The following JUP variants were observed in gnomAD, a reference collection of about 807,000 sequenced individuals.
JUP encodes the protein junction plakoglobin.
JUP carries 28 observed loss-of-function variants against 71.1 expected under a neutral mutation model. That is an observed-to-expected ratio of 0.39 (90% CI 0.29 to 0.54). JUP has a LOEUF of 0.54. JUP is among the 20% of genes least tolerant of loss of function. The pLI is 0.62. For synonymous variants in JUP, 401 were observed against 438.9 expected (o/e 0.91, Z 1.08); for missense variants, 869 against 1,030.1 (o/e 0.84, Z 2.14).
intron 2 of JUP, among the ~76,000 whole-genome samples, chr17:41,770,795 C>T (rs1916530644): frequency 1.3e-5 from 2 of 152,248 alleles, no homozygotes; most frequent in Admixed American, 6.5e-5. Context: ...ACTCATCCCA[C>T]AGCCTTGGCC....
At chr17:41,773,515 ACGACAGG>A (rs1471648272) in intron 1 of JUP, among the ~76,000 whole-genome samples, 2 of 152,172 alleles carry the variant, frequency 1.3e-5, no homozygotes, top group African/African-American at 4.8e-5. Flanking sequence ...CAGACCCCAG[ACGACAGG>A]CTCGGGCCGC....
chr17:41,771,387 C>A (rs1916625152), intron 2 of JUP: 1 of 565,382 alleles, frequency 1.8e-6, no homozygotes, highest in African/African-American at 1.9e-5. Flanking sequence ...TTCCTTCAGA[C>A]TGGAGGCACC....
intron 1 of JUP, among the ~76,000 whole-genome samples, chr17:41,775,575 C>T (rs941604896): frequency 3.3e-5 from 5 of 152,192 alleles, no homozygotes; most frequent in Non-Finnish European, 1.5e-5. Context: ...AGGGTGGAAG[C>T]GAGAGAGACA....
rs373448862 is a variant in JUP, at chr17:41,773,890, A to G, written c.-8-2028T>C. On this transcript the variant is annotated intron_variant, in intron 1 of 13. Transcript: ENST00000393931. ...TGTACAAGTAAACACGGTAGCAATAACCCACTGAATGCCGCTCTGCTGGGC... is the reference window on the plus strand; with the variant it reads ...TGTACAAGTAAACACGGTAGCAATAGCCCACTGAATGCCGCTCTGCTGGGC... Among the ~76,000 whole-genome samples, 15 of 152,272 alleles carry G rather than the reference A, an allele frequency of 9.9e-5. 1 individual carries two copies. In the East Asian group the frequency reaches 1.5e-3, roughly 16 times the overall value.
intron 4 of JUP, among the ~76,000 whole-genome samples, chr17:41,768,296 G>C (rs1916031167): frequency 6.6e-6 from 1 of 152,198 alleles, no homozygotes; most frequent in Admixed American, 6.5e-5. Flanking sequence ...CTACTTGGGA[G>C]GCTGAGGCAG....
chr17:41,763,896 C>T (rs1438485582), intron 7 of JUP, among the ~76,000 whole-genome samples: 1 of 152,182 alleles, frequency 6.6e-6, no homozygotes, highest in Non-Finnish European at 1.5e-5. Flanking sequence ...AACAGAAAAA[C>T]CCCAGCTTTG....
In JUP at chr17:41,763,096, G is replaced by T. The variant is rs782643399; in HGVS notation, c.1384C>A (p.Leu462Ile). The T allele has an allele frequency of 6.2e-7, 1 of 1,614,144 alleles. No homozygotes were observed. Among genetic ancestry groups the T allele is most frequent in the Admixed American group, 1.7e-5 (1 of 60,020 alleles). ...TCGGCCTCAGGGTGGCGGCTAGTGA[G>T]GTGGCGCAGAGCGCAGACGGCAGGC... ...TEPAVCALRHLTSRHPEAEMA... is the reference protein window; with the variant it reads ...TEPAVCALRHITSRHPEAEMA... The change falls in exon 8 of 14, where the codon CTC becomes ATC. Residue 462 changes from leucine to isoleucine, a missense_variant. Leu to Ile is a conservative substitution (Grantham distance 5, BLOSUM62 2). Transcript: ENST00000393931.
chr17:41,771,886 AG>A, intron 1 of JUP, 24 bp from the exon 2 acceptor site: 2 of 1,571,374 alleles, frequency 1.3e-6, no homozygotes, highest in Non-Finnish European at 8.7e-7. Flanking sequence ...GGAGGAAGTC[AG>A]GAAGCAGGAA....
At chr17:41,774,088 T>C (rs1917080236) in intron 1 of JUP, among the ~76,000 whole-genome samples, 1 of 151,934 alleles carries the variant, frequency 6.6e-6, no homozygotes. Context: ...CTTGCCGGCC[T>C]CACATCTAAA....
intron 1 of JUP, among the ~76,000 whole-genome samples, chr17:41,773,516 C>T (rs1234385029): frequency 1.3e-5 from 2 of 152,198 alleles, no homozygotes; most frequent in African/African-American, 2.4e-5. Context: ...AGACCCCAGA[C>T]GACAGGCTCG....
At chr17:41,779,128 C>T (rs1555609626) in intron 1 of JUP, among the ~76,000 whole-genome samples, 1 of 150,856 alleles carries the variant, frequency 6.6e-6, no homozygotes, top group Non-Finnish European at 1.5e-5. Flanking sequence ...CCCAGCTACT[C>T]AGGAGGCTGA....
At chr17:41,782,101 A>G (rs888908396) in intron 1 of JUP, among the ~76,000 whole-genome samples, 2 of 152,218 alleles carry the variant, frequency 1.3e-5, no homozygotes, top group Admixed American at 6.5e-5. Context: ...GCACCATCAC[A>G]TAAAGAGAAC....
chr17:41,756,780 G>A (rs1011524424), intron 12 of JUP, among the ~76,000 whole-genome samples: 49 of 148,454 alleles, frequency 3.3e-4, no homozygotes, highest in Non-Finnish European at 2.8e-4. Flanking sequence ...TGCACCTGTA[G>A]TCCCAGTTAC....
intron 1 of JUP, among the ~76,000 whole-genome samples, chr17:41,777,378 T>C (rs975277586): frequency 6.6e-6 from 1 of 152,168 alleles, no homozygotes; most frequent in African/African-American, 2.4e-5. Flanking sequence ...TGGCTCCTGC[T>C]GAGGTCTGGC....
At chr17:41,758,544 G>A in intron 9 of JUP, 26 bp from the exon 10 acceptor site, 1 of 1,602,184 alleles carries the variant, frequency 6.2e-7, no homozygotes. Flanking sequence ...CAGGGGGCAT[G>A]GGACAGGTGC....
rs1916317306 is a variant in JUP at position 41,769,687 on chromosome 17, A to G, written c.209-10T>C. Reference sequence around the variant, plus strand: ...TGGTACTCCAGATCACCTGGGGGCCATGGGGACAGGGACTGAGTGCAGGCA... The same window carrying G: ...TGGTACTCCAGATCACCTGGGGGCCGTGGGGACAGGGACTGAGTGCAGGCA... On this transcript the variant is annotated splice_polypyrimidine_tract_variant and intron_variant, in intron 2 of 13. Coordinates refer to ENST00000393931, the MANE Select transcript of JUP (RefSeq NM_002230.4). The G allele has an allele frequency of 1.2e-6, 2 of 1,607,016 alleles. No individual in the cohort carries two copies. Among genetic ancestry groups the G allele is most frequent in the Non-Finnish European group, 1.7e-6 (2 of 1,178,350 alleles).
Position 41,766,119 on chromosome 17 carries a change from G to T in JUP, c.910-1052C>A, listed in dbSNP as rs148861127. 6.0e-3 allele frequency among the ~76,000 whole-genome samples: 910 copies of T among 152,220 alleles called. 7 individuals carry two copies. The highest frequency in any genetic ancestry group is 0.021 in the African/African-American group (860 of 41,526). On this transcript the variant is annotated intron_variant, in intron 5 of 13. Transcript: ENST00000393931. The stretch of plus-strand genomic sequence containing the variant: ...AGCCCGGGTGCTAATTAGCTCAGTA[G>T]TATGTTCTCATAGTCCTAGCTATCA...
Position 41,762,998 on chromosome 17 carries a change from C to G in JUP, c.1482G>C (p.Gln494His), listed in dbSNP as rs1367975995. 1.2e-6 allele frequency: 2 copies of G among 1,614,046 alleles called. No individual in the cohort carries two copies. Among genetic ancestry groups the G allele is most frequent in the Non-Finnish European group, 1.7e-6 (2 of 1,180,022 alleles). ...AIVKLLNQPN[Q>H]WPLVKATIGL... ...ACAGCAGTACCTTGACCAGTGGCCACTGGTTGGGCTGGTTGAGCAGCTTCA... is the reference window on the plus strand; with the variant it reads ...ACAGCAGTACCTTGACCAGTGGCCAGTGGTTGGGCTGGTTGAGCAGCTTCA... Residue 494 changes from glutamine (Q) to histidine (H), a missense_variant, in exon 8 of 14, where the codon CAG becomes CAC. By Grantham distance (24) the Gln-to-His change is conservative (BLOSUM62 0). Coordinates refer to ENST00000393931, the MANE Select transcript of JUP (RefSeq NM_002230.4).
In JUP at chr17:41,769,120, C is replaced by A; in HGVS notation, c.556G>T (p.Val186Leu). The change falls in exon 4 of 14, where the codon GTG (valine) becomes TTG (leucine). Residue 186 changes from valine to leucine, a missense_variant. Transcript: ENST00000393931. The stretch of plus-strand genomic sequence containing the variant: ...TGCATGGTACGCACGACAGCGGCCA[C>A]CAGCTGGGGCGAGCCCATCAGGGCC... ...RRALMGSPQL[V>L]AAVVRTMQNT... 1.2e-6 allele frequency: 2 copies of A among 1,610,588 alleles called. No homozygotes were observed. Among genetic ancestry groups the A allele is most frequent in the East Asian group, 2.2e-5 (1 of 44,880 alleles).
Sources: gnomAD v4.1 joint callset for allele counts (sites outside exome capture counted in the v4.1 genomes callset) on GRCh38, gnomAD v4.1.1 for gene constraint, MANE v1.5 for transcripts, NCBI Gene and HGNC (gene_info 2026-07-23, HGNC 2026-07-21) for gene names.